MPG: variants seen among roughly 807,000 people sequenced by gnomAD.
The protein encoded by MPG is N-methylpurine DNA glycosylase, also known as DNA-3-methyladenine glycosylase.
In MPG, 33 loss-of-function variants were observed where a neutral mutation model predicts 31.7. That is an observed-to-expected ratio of 1.04 (90% CI 0.79 to 1.39). The LOEUF is 1.39. Ranked by LOEUF, MPG falls within the 40% of genes most tolerant of loss-of-function variation. MPG has a pLI of 0.00. For missense variants in MPG, 455 were observed against 415.5 expected (o/e 1.10, Z -0.83); for synonymous variants, 202 against 169.2 (o/e 1.19, Z -1.51).
At chr16:85,312 TC>T (rs1224470574) in intron 3 of MPG, 88 bp from the exon 4 acceptor site, 22 of 1,452,494 alleles carry the variant, frequency 1.5e-5, no homozygotes, top group Non-Finnish European at 1.8e-5. Flanking sequence ...AGCTGCACCC[TC>T]CCTGCAGCAC....
chr16:78,449 G>A, intron 1 of MPG, 116 bp downstream of exon 1: 1 of 928,740 alleles, frequency 1.1e-6, no homozygotes, highest in South Asian at 5.2e-5. Context: ...ACCGCCCCGA[G>A]GGTTCGGGGC....
Position 83,235 on chromosome 16 carries a change from T to C in MPG, c.484T>C (p.Cys162Arg). Residue 162 changes from cysteine (C) to arginine (R), a missense_variant, in exon 3 of 4, where the codon TGC (cysteine) becomes CGC (arginine). Cys to Arg is a radical substitution (Grantham distance 180). Coordinates refer to ENST00000356432, the MANE Select transcript of MPG (RefSeq NM_001015052.3). The stretch of plus-strand genomic sequence containing the variant: ...GTACATCATTTACGGCATGTACTTC[T>C]GCATGAACATCTCCAGCCAGGGTGA... ...YVYIIYGMYF[C>R]MNISSQGDGA... The C allele has an allele frequency of 1.2e-6, 2 of 1,612,318 alleles. No homozygotes were observed. The highest frequency in any genetic ancestry group is 1.7e-6 in the Non-Finnish European group (2 of 1,179,408).
upstream of MPG, chr16:78,091 C>G (rs1433883125): frequency 6.0e-6 from 2 of 334,470 alleles, no homozygotes; most frequent in South Asian, 1.0e-4. Context: ...CGGTCCGGAC[C>G]TGGCGGTGGG....
chr16:79,206 CCAG>C (rs980584230), intron 1 of MPG: 10 of 1,549,646 alleles, frequency 6.5e-6, no homozygotes, highest in African/African-American at 1.4e-5. Flanking sequence ...CACCCTGCCC[CCAG>C]CAGCAGCCGT....
rs3176419 is a variant in MPG at position 83,467 on chromosome 16, G to A, written c.505+211G>A. 1.1e-3 allele frequency: 617 copies of A among 553,902 alleles called. 4 individuals are homozygous for A. The highest frequency in any genetic ancestry group is 0.01 in the African/African-American group (532 of 52,482). The allele number at this position is 553,902 out of a possible 1,614,324, so 34.3% of individuals were successfully genotyped here. A position where few individuals can be genotyped will look rare whatever the true frequency, so the allele number is the denominator to read the frequency against. On this transcript the variant is annotated intron_variant, in intron 3 of 3. Coordinates refer to ENST00000356432, the MANE Select transcript of MPG (RefSeq NM_001015052.3). The stretch of plus-strand genomic sequence containing the variant: ...TAGAAAGGGCCGGGTGGGGCCGGGC[G>A]CGGTGGCTCACGCCTGTCATCCCAG...
At chr16:78,438 C>A in intron 1 of MPG, 105 bp downstream of exon 1, 8 of 1,002,404 alleles carry the variant, frequency 8.0e-6, no homozygotes, top group Non-Finnish European at 7.5e-6. Context: ...GCGTAGCGCC[C>A]ACCGCCCCGA....
chr16:83,507 G>A (rs561065221), intron 3 of MPG: 77 of 440,184 alleles, frequency 1.7e-4, no homozygotes, highest in African/African-American at 5.6e-4. Flanking sequence ...TCGGGAGGCC[G>A]AGGCGGGCGG....
At chr16:83,656 G>A (rs192240946) in intron 3 of MPG, among the ~76,000 whole-genome samples, 19 of 151,610 alleles carry the variant, frequency 1.3e-4, no homozygotes, top group African/African-American at 3.4e-4. Context: ...CAGGAGAATC[G>A]CTTGAACCCG....
chr16:80,596 G>C (rs537478458), intron 2 of MPG, among the ~76,000 whole-genome samples: 4 of 152,260 alleles, frequency 2.6e-5, no homozygotes, highest in Non-Finnish European at 4.4e-5. Flanking sequence ...GGATCACGAG[G>C]TCAGGAGTTT....
intron 1 of MPG, 45 bp from the exon 2 acceptor site, chr16:79,380 G>C: frequency 6.2e-7 from 1 of 1,613,914 alleles, no homozygotes; most frequent in African/African-American, 1.3e-5. Context: ...TTACCACACA[G>C]CTGTCTCCTA....
intron 2 of MPG, among the ~76,000 whole-genome samples, chr16:81,632 GACCCCTTCTTCCCACCACCCTATCTC>G (rs1898239984): frequency 4.1e-5 from 6 of 145,400 alleles, no homozygotes; most frequent in African/African-American, 1.4e-4. Flanking sequence ...TCCCCACACT[GACCCCTTCTTCCCACCACCCTATCTC>G]CGGGAAGGCC....
At position 78,277 on chromosome 16, in the gene MPG, C is replaced by G. The variant is rs540539242; in HGVS notation, c.-33C>G. On this transcript the variant is annotated 5_prime_UTR_variant, in exon 1 of 4. Coordinates refer to ENST00000356432, the MANE Select transcript of MPG (RefSeq NM_001015052.3). The stretch of plus-strand genomic sequence containing the variant: ...GGCTGCTGGGCTCCGCGCCGGGGTC[C>G]GAGTCCCACGAAGCCCCGGCCCGAG... 4.6e-4 allele frequency: 632 copies of G among 1,370,020 alleles called. 5 individuals are homozygous for G. The African/African-American group carries it at 8.9e-3, about 19-fold the overall frequency. The allele number at this position is 1,370,020 out of a possible 1,614,324, so 84.9% of individuals were successfully genotyped here. A position where few individuals can be genotyped will look rare whatever the true frequency, so the allele number is the denominator to read the frequency against.
Position 85,747 on chromosome 16 carries a change from C to CA in MPG, c.853dup (p.Arg285LysfsTer4), listed in dbSNP as rs766373409. On this transcript the variant is annotated frameshift_variant, in exon 4 of 4. Coordinates refer to ENST00000356432, the MANE Select transcript of MPG (RefSeq NM_001015052.3). LOFTEE classifies it high-confidence loss of function. Reference sequence around the variant, plus strand: ...GCAGCCCCTGGGTCAGTGTGGTCGACAGAGTGGCTGAGCAGGACACACAGG... The same window carrying CA: ...GCAGCCCCTGGGTCAGTGTGGTCGACAAGAGTGGCTGAGCAGGACACACAGG... 1.3e-6 allele frequency: 2 copies of CA among 1,513,752 alleles called. No individual in the cohort carries two copies. The highest frequency in any genetic ancestry group is 2.7e-5 in the South Asian group (2 of 75,438). 93.8% of individuals were successfully genotyped at this position (1,513,752 alleles called of 1,614,324 possible).
chr16:78,795 G>T (rs769622444), intron 1 of MPG, among the ~76,000 whole-genome samples: 1 of 152,200 alleles, frequency 6.6e-6, no homozygotes, highest in Non-Finnish European at 1.5e-5. Context: ...TACCCATGGG[G>T]AGGCCAGAGG....
chr16:82,155 TCCCACCAC>T (rs1898263689), intron 2 of MPG, among the ~76,000 whole-genome samples: 1 of 78,336 alleles, frequency 1.3e-5, no homozygotes, highest in Non-Finnish European at 2.2e-5. Context: ...GGCCCCTTCT[TCCCACCAC>T]CCTATCTCCG....
At chr16:82,980 C>A (rs1898292127) in intron 2 of MPG, 72 bp from the exon 3 acceptor site, 2 of 1,375,594 alleles carry the variant, frequency 1.5e-6, no homozygotes, top group Non-Finnish European at 2.0e-6. Flanking sequence ...GAGATGAGGT[C>A]CAGGCTGGGC....
At chr16:81,466 C>T (rs1241431960) in intron 2 of MPG, among the ~76,000 whole-genome samples, 1 of 152,166 alleles carries the variant, frequency 6.6e-6, no homozygotes, top group Non-Finnish European at 1.5e-5. Context: ...GAAGATGGAA[C>T]AGGGCCACCC....
intron 2 of MPG, 69 bp downstream of exon 2, chr16:79,769 C>T (rs1042145167): frequency 6.7e-7 from 1 of 1,485,122 alleles, no homozygotes; most frequent in African/African-American, 1.4e-5. Context: ...GAACCCCTGT[C>T]CGCTGCCTGC....
chr16:78,368 C>T, intron 1 of MPG, 35 bp downstream of exon 1: 1 of 1,201,418 alleles, frequency 8.3e-7, no homozygotes, highest in Non-Finnish European at 1.0e-6. Context: ...GCGGAACAGA[C>T]GCGCCCACCC....
Sources: gnomAD v4.1 joint callset for allele counts (sites outside exome capture counted in the v4.1 genomes callset) on GRCh38, gnomAD v4.1.1 for gene constraint, MANE v1.5 for transcripts, NCBI Gene and HGNC (gene_info 2026-07-23, HGNC 2026-07-21) for gene names.